The following DOK5 variants were observed in gnomAD, a reference collection of about 807,000 sequenced individuals.
The protein encoded by DOK5 is docking protein 5.
A neutral mutation model predicts 43.3 loss-of-function variants in DOK5; 27 were observed. The observed-to-expected ratio is 0.62, with a 90% CI of 0.46 to 0.86. The LOEUF is 0.86. Ranked by LOEUF, DOK5 falls within the 40% of genes least tolerant of loss-of-function variation. The pLI, the probability that DOK5 is intolerant of heterozygous loss-of-function variation, is 0.00. For synonymous variants in DOK5, 146 were observed against 140.1 expected, an observed-to-expected ratio of 1.04 and a Z score of -0.30; for missense variants, 373 against 392.9, an observed-to-expected ratio of 0.95 and a Z score of 0.43.
chr20:54,591,424 T>G (rs1194623196), intron 4 of DOK5, among the ~76,000 whole-genome samples, 192 bp from the exon 5 acceptor site: 8 of 152,268 alleles, frequency 5.3e-5, no homozygotes, highest in African/African-American at 1.7e-4. Context: ...ATTATTATGT[T>G]ATTTAATAGG....
At chr20:54,487,704 C>T (rs1981993845) in intron 1 of DOK5, among the ~76,000 whole-genome samples, 1 of 152,160 alleles carries the variant, frequency 6.6e-6, no homozygotes, top group Non-Finnish European at 1.5e-5. Context: ...AGGGAAAAAA[C>T]TCCCATGTAC....
In DOK5 at chr20:54,613,001, G is replaced by T. The variant is rs568899201; in HGVS notation, c.735+2478G>T. On this transcript the variant is annotated intron_variant, in intron 6 of 7. Transcript: ENST00000262593. The stretch of plus-strand genomic sequence containing the variant: ...GTGAGATATGCTCATAACATGTTCA[G>T]CCCAGAGCTCATTATATAGCTTTCC... Among the ~76,000 whole-genome samples the T allele has an allele frequency of 2.3e-4, 35 of 152,278 alleles. No homozygotes were observed. The South Asian group carries it at 5.0e-3, about 22-fold the overall frequency.
At chr20:54,645,753 C>G (rs1600766055) in intron 7 of DOK5, among the ~76,000 whole-genome samples, 1 of 152,088 alleles carries the variant, frequency 6.6e-6, no homozygotes, top group South Asian at 2.1e-4. Context: ...GGCAGGAGAG[C>G]TGTGCCTCCT....
chr20:54,644,771 G>C (rs1297261046), intron 7 of DOK5, among the ~76,000 whole-genome samples: 1 of 150,908 alleles, frequency 6.6e-6, no homozygotes, highest in East Asian at 2.0e-4. Flanking sequence ...TCCCAGCTGA[G>C]TCAGGGGAAT....
chr20:54,642,474 T>C (rs6014103), intron 6 of DOK5, among the ~76,000 whole-genome samples: 121,374 of 149,414 alleles, frequency 0.81, 49,388 homozygotes, highest in East Asian at 1. Context: ...GAGGCCGAGG[T>C]GGGTGGATCA....
chr20:54,513,423 G>T (rs1184205394), intron 1 of DOK5, among the ~76,000 whole-genome samples: 1 of 132,196 alleles, frequency 7.6e-6, no homozygotes, highest in Non-Finnish European at 1.5e-5. Flanking sequence ...TTAAAATATT[G>T]GTTTGTTTTG....
At chr20:54,582,609 C>T (rs901547094) in intron 2 of DOK5, among the ~76,000 whole-genome samples, 10 of 151,782 alleles carry the variant, frequency 6.6e-5, no homozygotes, top group Admixed American at 2.0e-4. Flanking sequence ...ATTCAGTCTA[C>T]GTAGGTTGTA....
intron 1 of DOK5, among the ~76,000 whole-genome samples, chr20:54,484,336 G>A (rs954716290): frequency 2.7e-5 from 4 of 150,774 alleles, no homozygotes; most frequent in African/African-American, 7.4e-5. Flanking sequence ...CCGAGATTGC[G>A]CCACTGCACT....
At chr20:54,488,785 C>T (rs1052089590) in intron 1 of DOK5, among the ~76,000 whole-genome samples, 3 of 145,970 alleles carry the variant, frequency 2.1e-5, no homozygotes, top group African/African-American at 7.7e-5. Flanking sequence ...TCCCCTCGTC[C>T]CTCCCTCCCT....
intron 1 of DOK5, among the ~76,000 whole-genome samples, chr20:54,507,320 G>T (rs1982846854): frequency 6.6e-6 from 1 of 152,004 alleles, no homozygotes; most frequent in South Asian, 2.1e-4. Context: ...GGCCACATGT[G>T]AGCCACATGT....
chr20:54,618,938 G>A (rs1299979847), intron 6 of DOK5, among the ~76,000 whole-genome samples: 1 of 148,528 alleles, frequency 6.7e-6, no homozygotes, highest in Non-Finnish European at 1.5e-5. Context: ...GATGACTTGA[G>A]TCCAGGAGAT....
At chr20:54,641,069 A>G (rs1250333839) in intron 6 of DOK5, among the ~76,000 whole-genome samples, 1 of 152,226 alleles carries the variant, frequency 6.6e-6, no homozygotes, top group Non-Finnish European at 1.5e-5. Flanking sequence ...ATGCATACTT[A>G]TTATTTGTCC....
chr20:54,481,863 C>T (rs1305988508), intron 1 of DOK5, among the ~76,000 whole-genome samples: 1 of 152,296 alleles, frequency 6.6e-6, no homozygotes, highest in East Asian at 1.9e-4. Context: ...ACTCTTACTA[C>T]TCACCTAATA....
intron 1 of DOK5, among the ~76,000 whole-genome samples, chr20:54,487,780 A>T (rs534146014): frequency 6.6e-6 from 1 of 152,142 alleles, no homozygotes; most frequent in African/African-American, 2.4e-5. Context: ...CTCACCCCCC[A>T]AAAACTGTAC....
At chr20:54,532,181 T>C (rs1483820773) in intron 1 of DOK5, among the ~76,000 whole-genome samples, 1 of 152,132 alleles carries the variant, frequency 6.6e-6, no homozygotes, top group Admixed American at 6.5e-5. Flanking sequence ...ATGTAGTAAC[T>C]CATTTGACCC....
At chr20:54,482,282 T>A (rs1460074904) in intron 1 of DOK5, among the ~76,000 whole-genome samples, 2 of 152,230 alleles carry the variant, frequency 1.3e-5, no homozygotes, top group Non-Finnish European at 2.9e-5. Context: ...GAAGAAATTT[T>A]AAAAATTGGT....
intron 1 of DOK5, among the ~76,000 whole-genome samples, chr20:54,522,089 C>T (rs949000755): frequency 6.6e-6 from 1 of 152,130 alleles, no homozygotes; most frequent in East Asian, 1.9e-4. Context: ...ATTTAGCACC[C>T]CAAGCAGTGC....
At chr20:54,514,050 T>C (rs1271351397) in intron 1 of DOK5, among the ~76,000 whole-genome samples, 3 of 152,200 alleles carry the variant, frequency 2.0e-5, no homozygotes, top group Non-Finnish European at 4.4e-5. Flanking sequence ...CACTGCAGGA[T>C]GCAATTCAAG....
chr20:54,641,589 C>A (rs1600761720), intron 6 of DOK5, among the ~76,000 whole-genome samples: 1 of 150,714 alleles, frequency 6.6e-6, no homozygotes, highest in East Asian at 2.0e-4. Flanking sequence ...ATCTCCATCT[C>A]CATTTTTCCC....
Sources: gnomAD v4.1 joint callset for allele counts (sites outside exome capture counted in the v4.1 genomes callset) on GRCh38, gnomAD v4.1.1 for gene constraint, MANE v1.5 for transcripts, NCBI Gene and HGNC (gene_info 2026-07-23, HGNC 2026-07-21) for gene names.